The following KCTD2 variants were observed in gnomAD, a reference collection of about 807,000 sequenced individuals.
The protein encoded by KCTD2 is BTB/POZ domain-containing protein KCTD2.
Under a neutral mutation model 27.9 loss-of-function variants are expected in KCTD2, and 18 were observed. That is an observed-to-expected ratio of 0.64 (90% CI 0.45 to 0.96). The LOEUF (loss-of-function observed/expected upper bound fraction) is 0.96. KCTD2 is among the 40% of genes least tolerant of loss of function. KCTD2 has a pLI of 0.00. For missense variants in KCTD2, 280 were observed against 348.0 expected, an observed-to-expected ratio of 0.80 and a Z score of 1.56; for synonymous variants, 175 against 148.4, an observed-to-expected ratio of 1.18 and a Z score of -1.30.
Position 75,062,127 on chromosome 17 carries a change from G to T in KCTD2, c.644G>T (p.Ser215Ile). 6.2e-7 allele frequency: 1 copy of T among 1,614,000 alleles called. No homozygotes were observed. The highest frequency in any genetic ancestry group is 8.5e-7 in the Non-Finnish European group (1 of 1,179,918). The change falls in exon 5 of 6, where the codon AGC (serine) becomes ATC (isoleucine). Residue 215 changes from serine (S) to isoleucine (I), a missense_variant. Coordinates refer to ENST00000322444, the MANE Select transcript of KCTD2 (RefSeq NM_015353.3). Reference sequence around the variant, plus strand: ...GTATTCTTGGTTCATCAGCTCATCAGCATCGGATCTTCCTATAACTACGGC... The same window carrying T: ...GTATTCTTGGTTCATCAGCTCATCATCATCGGATCTTCCTATAACTACGGC... ...SDGWKFEQLI[S>I]IGSSYNYGNE...
At chr17:75,062,699 AACACAC>A (rs10533801) in intron 5 of KCTD2, among the ~76,000 whole-genome samples, 1,677 of 116,028 alleles carry the variant, frequency 0.014, 24 homozygotes, top group Admixed American at 0.021. Flanking sequence ...CCTCACCCCC[AACACAC>A]ACACACACAC....
chr17:75,058,966 C>A (rs1026643352), intron 3 of KCTD2, among the ~76,000 whole-genome samples: 1 of 151,806 alleles, frequency 6.6e-6, no homozygotes, highest in South Asian at 2.1e-4. Flanking sequence ...GGCGTGGTGG[C>A]GGGTGCCTGT....
intron 4 of KCTD2, chr17:75,060,691 A>G (rs1480309339): frequency 4.2e-5 from 55 of 1,321,636 alleles, no homozygotes; most frequent in South Asian, 5.9e-5. Flanking sequence ...GGCTGCACTC[A>G]GGGTCTCGGT....
chr17:75,033,989 T>G (rs1473395249), intron 1 of KCTD2: 1 of 152,144 alleles, frequency 6.6e-6, no homozygotes, highest in Admixed American at 6.5e-5. Flanking sequence ...GAGGTGAAAG[T>G]TCCTTTTACG....
At chr17:75,042,372 G>C (rs1419283120), upstream of KCTD2, 9 of 1,498,624 alleles carry the variant, frequency 6.0e-6, no homozygotes, top group African/African-American at 1.4e-5. Context: ...GGCCTGGAGG[G>C]TCACCACACT....
upstream of KCTD2, among the ~76,000 whole-genome samples, chr17:75,045,194 G>A (rs1460803148): frequency 5.3e-5 from 8 of 152,180 alleles, no homozygotes; most frequent in Non-Finnish European, 8.8e-5. Context: ...CAAAAGGGGA[G>A]GGAGTATACG....
At chr17:75,054,809 CAAAA>C in intron 3 of KCTD2, among the ~76,000 whole-genome samples, 1 of 106,290 alleles carries the variant, frequency 9.4e-6, no homozygotes, top group South Asian at 2.9e-4. Flanking sequence ...GACTCCATCT[CAAAA>C]AAAAAAAAAA....
At chr17:75,048,516 C>T (rs1405439267) in intron 1 of KCTD2, among the ~76,000 whole-genome samples, 1 of 152,102 alleles carries the variant, frequency 6.6e-6, no homozygotes, top group Admixed American at 6.6e-5. Flanking sequence ...ACCTATCCTG[C>T]CCTAACTTTA....
chr17:75,046,729 C>T (rs879425229), upstream of KCTD2, among the ~76,000 whole-genome samples: 2 of 152,258 alleles, frequency 1.3e-5, no homozygotes, highest in Non-Finnish European at 2.9e-5. Flanking sequence ...CCCCCCTGAC[C>T]CCGCGCGCCA....
At chr17:75,056,619 A>G (rs143756489) in intron 3 of KCTD2, among the ~76,000 whole-genome samples, 12 of 152,342 alleles carry the variant, frequency 7.9e-5, no homozygotes, top group African/African-American at 2.6e-4. Flanking sequence ...GATGTTAACT[A>G]TCTTTCCATC....
Position 75,052,595 on chromosome 17 carries a change from C to T in KCTD2, c.449-419C>T, listed in dbSNP as rs183172702. Among the ~76,000 whole-genome samples the T allele has an allele frequency of 1.5e-3, 231 of 152,304 alleles. 1 individual carries two copies. The highest frequency in any genetic ancestry group is 5.1e-3 in the African/African-American group (214 of 41,558). On this transcript the variant is annotated intron_variant, in intron 2 of 5. Transcript: ENST00000322444. ...AAAATTAGCCAGGCGTGGTGGCAAGCGCCTGTAATCCCAGCTACTTGGAAG... is the reference window on the plus strand; with the variant it reads ...AAAATTAGCCAGGCGTGGTGGCAAGTGCCTGTAATCCCAGCTACTTGGAAG...
intron 3 of KCTD2, among the ~76,000 whole-genome samples, chr17:75,055,029 G>A (rs1313421416): frequency 6.6e-6 from 1 of 151,902 alleles, no homozygotes; most frequent in African/African-American, 2.4e-5. Flanking sequence ...GAATTTTCCT[G>A]CCATTAAGAA....
At chr17:75,054,841 C>G (rs1291346621) in intron 3 of KCTD2, among the ~76,000 whole-genome samples, 1 of 151,804 alleles carries the variant, frequency 6.6e-6, no homozygotes, top group East Asian at 1.9e-4. Flanking sequence ...GAAGTATAGC[C>G]AGGAAAATAG....
At chr17:75,060,484 T>C (rs1165728880) in intron 4 of KCTD2, 2 of 1,611,810 alleles carry the variant, frequency 1.2e-6, no homozygotes, top group African/African-American at 2.7e-5. Context: ...GAAACCAGGG[T>C]TGGAACTAAC....
rs2073431363 is a variant in KCTD2, at chr17:75,064,004, T to G, written c.*957T>G. The G allele has an allele frequency of 6.5e-6, 1 of 152,826 alleles. No homozygotes were observed. Among genetic ancestry groups the G allele is most frequent in the Non-Finnish European group, 1.5e-5 (1 of 68,164 alleles). The allele number at this position is 152,826 out of a possible 1,614,324, so 9.5% of individuals were successfully genotyped here. Reference sequence around the variant, plus strand: ...GTTGTGTCTCAGAGAGAGTTATTTCTGTGACTCTCTTGGAAATGCCTTGAC... The same window carrying G: ...GTTGTGTCTCAGAGAGAGTTATTTCGGTGACTCTCTTGGAAATGCCTTGAC... On this transcript the variant is annotated 3_prime_UTR_variant, in exon 6 of 6. Coordinates refer to ENST00000322444, the MANE Select transcript of KCTD2 (RefSeq NM_015353.3).
At chr17:75,054,255 C>A (rs1009980599) in intron 3 of KCTD2, among the ~76,000 whole-genome samples, 1 of 151,898 alleles carries the variant, frequency 6.6e-6, no homozygotes, top group Non-Finnish European at 1.5e-5. Flanking sequence ...TCAAGCAACC[C>A]GCCCACCTCA....
chr17:75,050,348 G>A (rs560033321), intron 2 of KCTD2, among the ~76,000 whole-genome samples: 2 of 151,878 alleles, frequency 1.3e-5, no homozygotes, highest in Non-Finnish European at 2.9e-5. Flanking sequence ...TGCAACCTCA[G>A]CCTCCTGGGT....
At chr17:75,060,629 G>T in intron 4 of KCTD2, 1 of 1,579,354 alleles carries the variant, frequency 6.3e-7, no homozygotes, top group Non-Finnish European at 8.6e-7. Flanking sequence ...TCATGGCTGG[G>T]CGCGTGGCGA....
At chr17:75,056,310 T>C (rs1361698052) in intron 3 of KCTD2, among the ~76,000 whole-genome samples, 1 of 152,246 alleles carries the variant, frequency 6.6e-6, no homozygotes, top group South Asian at 2.1e-4. Flanking sequence ...CTTTCACTAT[T>C]GTAGATATTT....
Sources: allele counts gnomAD v4.1 joint callset (sites outside exome capture counted in the v4.1 genomes callset), GRCh38; gene constraint gnomAD v4.1.1; transcripts MANE v1.5; gene names NCBI Gene and HGNC (gene_info 2026-07-23, HGNC 2026-07-21).